The following NAALADL2 variants were observed in gnomAD, a reference collection of about 807,000 sequenced individuals.
NAALADL2 encodes the protein inactive N-acetylated-alpha-linked acidic dipeptidase-like protein 2.
A neutral mutation model predicts 87.2 loss-of-function variants in NAALADL2; 76 were observed. The observed-to-expected ratio is 0.87, with a 90% CI of 0.72 to 1.05. The LOEUF is 1.05. NAALADL2 is among the 50% of genes least tolerant of loss of function. NAALADL2 has a pLI of 0.00. For missense variants in NAALADL2, 1,089 were observed against 945.8 expected (o/e 1.15, Z -1.99); for synonymous variants, 354 against 331.0 (o/e 1.07, Z -0.75).
At chr3:175,652,635 C>T (rs1054054027) in intron 11 of NAALADL2, among the ~76,000 whole-genome samples, 4 of 151,778 alleles carry the variant, frequency 2.6e-5, no homozygotes, top group Admixed American at 6.6e-5. Context: ...CCCACCACCG[C>T]GCCCGGCTAA....
chr3:174,986,826 G>C (rs1183474941), intron 1 of NAALADL2, among the ~76,000 whole-genome samples: 1 of 152,062 alleles, frequency 6.6e-6, no homozygotes, highest in Admixed American at 6.6e-5. Context: ...TTAGTAGGAG[G>C]GTATTTATTT....
At chr3:175,160,788 T>A (rs2108840152) in intron 2 of NAALADL2, among the ~76,000 whole-genome samples, 1 of 152,288 alleles carries the variant, frequency 6.6e-6, no homozygotes, top group Admixed American at 6.5e-5. Flanking sequence ...TAAAAAAACT[T>A]TCACCATTTC....
chr3:174,574,397 G>GT (rs148584643), intron 2 of NAALADL2, among the ~76,000 whole-genome samples: 1 of 151,592 alleles, frequency 6.6e-6, no homozygotes, highest in Non-Finnish European at 1.5e-5. Context: ...AGATAGTTCT[G>GT]TTTTTTTAAA....
At chr3:174,716,397 AG>A (rs1190460691) in intron 2 of NAALADL2, among the ~76,000 whole-genome samples, 9 of 150,612 alleles carry the variant, frequency 6.0e-5, no homozygotes, top group Non-Finnish European at 1.3e-4. Context: ...CTTTTAAATA[AG>A]GAGGCCTGTA....
At chr3:175,646,511 A>C (rs899908732) in intron 11 of NAALADL2, among the ~76,000 whole-genome samples, 61 of 151,984 alleles carry the variant, frequency 4.0e-4, no homozygotes, top group African/African-American at 1.3e-3. Flanking sequence ...TTTCTTTTTT[A>C]TGACAGCAAT....
chr3:175,771,038 TAG>T (rs1317872350), intron 13 of NAALADL2, among the ~76,000 whole-genome samples: 5 of 152,228 alleles, frequency 3.3e-5, no homozygotes, highest in African/African-American at 9.6e-5. Flanking sequence ...ATTTCAGACA[TAG>T]AGAGTTAAGA....
intron 13 of NAALADL2, 98 bp from the exon 14 acceptor site, chr3:175,802,907 T>G: frequency 1.3e-6 from 1 of 740,992 alleles, no homozygotes; most frequent in Non-Finnish European, 2.2e-6. Context: ...TATTCATTTA[T>G]TGAAAACATC....
intron 10 of NAALADL2, among the ~76,000 whole-genome samples, chr3:175,609,970 T>C (rs1421705627): frequency 1.3e-5 from 2 of 152,152 alleles, no homozygotes; most frequent in African/African-American, 4.8e-5. Flanking sequence ...ACCTTCTTTA[T>C]GCTAGTTCTT....
At chr3:175,151,289 G>T (rs1021544005) in intron 2 of NAALADL2, among the ~76,000 whole-genome samples, 1 of 152,126 alleles carries the variant, frequency 6.6e-6, no homozygotes, top group Admixed American at 6.6e-5. Flanking sequence ...GAGTTGTCAA[G>T]TTCTTATTCA....
intron 13 of NAALADL2, among the ~76,000 whole-genome samples, chr3:175,769,236 A>G (rs928353306): frequency 6.6e-6 from 1 of 152,246 alleles, no homozygotes; most frequent in Admixed American, 6.5e-5. Context: ...GACACTGAGA[A>G]TACAATGCTC....
chr3:174,663,721 G>A (rs1408452461), intron 2 of NAALADL2, among the ~76,000 whole-genome samples: 1 of 152,030 alleles, frequency 6.6e-6, no homozygotes, highest in Non-Finnish European at 1.5e-5. Context: ...AAATTTTGTA[G>A]GGGACAAATA....
intron 2 of NAALADL2, among the ~76,000 whole-genome samples, chr3:174,705,961 A>AT (rs1290075972): frequency 6.6e-6 from 1 of 152,110 alleles, no homozygotes; most frequent in East Asian, 1.9e-4. Context: ...TTTCATTACA[A>AT]TACTCCTCTT....
chr3:174,630,145 A>G (rs2108690569), intron 2 of NAALADL2, among the ~76,000 whole-genome samples: 1 of 152,264 alleles, frequency 6.6e-6, no homozygotes, highest in South Asian at 2.1e-4. Flanking sequence ...CAAATATAAT[A>G]ATTTTTCATT....
intron 6 of NAALADL2, among the ~76,000 whole-genome samples, chr3:175,449,713 C>A (rs1337219133): frequency 6.6e-6 from 1 of 152,080 alleles, no homozygotes; most frequent in Admixed American, 6.6e-5. Flanking sequence ...TCTTAATATG[C>A]AGAATAATGT....
chr3:175,751,926 C>A (rs1583111766), intron 12 of NAALADL2, among the ~76,000 whole-genome samples: 1 of 151,888 alleles, frequency 6.6e-6, no homozygotes, highest in Non-Finnish European at 1.5e-5. Context: ...CCTACAATAG[C>A]CTCTTTTCTT....
intron 2 of NAALADL2, among the ~76,000 whole-genome samples, chr3:175,180,783 A>C (rs936953288): frequency 6.6e-6 from 1 of 151,712 alleles, no homozygotes; most frequent in Non-Finnish European, 1.5e-5. Context: ...ACTATTTGTT[A>C]TGTTGCTGGC....
intron 1 of NAALADL2, among the ~76,000 whole-genome samples, chr3:175,005,461 A>C (rs1257773757): frequency 1.3e-5 from 2 of 152,166 alleles, no homozygotes; most frequent in Admixed American, 1.3e-4. Flanking sequence ...CCTCCTTGTG[A>C]AAAGGGATCA....
At chr3:174,799,047 G>A (rs984018809) in intron 3 of NAALADL2, among the ~76,000 whole-genome samples, 4 of 151,902 alleles carry the variant, frequency 2.6e-5, no homozygotes, top group African/African-American at 9.7e-5. Context: ...GCACATGCTT[G>A]TAATCTCAGT....
At chr3:175,734,038 T>TTC (rs1347761049) in intron 11 of NAALADL2, among the ~76,000 whole-genome samples, 2 of 152,196 alleles carry the variant, frequency 1.3e-5, no homozygotes, top group Non-Finnish European at 2.9e-5. Flanking sequence ...CTGTGGCTTT[T>TTC]TCAGGTATGC....
Sources: gnomAD v4.1 joint callset for allele counts (sites outside exome capture counted in the v4.1 genomes callset) on GRCh38, gnomAD v4.1.1 for gene constraint, MANE v1.5 for transcripts, NCBI Gene and HGNC (gene_info 2026-07-23, HGNC 2026-07-21) for gene names.